Variants in KIZ observed in about 807,000 individuals in gnomAD.
KIZ encodes kizuna centrosomal protein, also known as centrosomal protein kizuna.
A neutral mutation model predicts 79.6 loss-of-function variants in KIZ; 68 were observed. The observed-to-expected ratio is 0.85, with a 90% CI of 0.70 to 1.05. KIZ has a LOEUF of 1.05. KIZ is among the 50% of genes least tolerant of loss of function. The probability of loss-of-function intolerance (pLI) is 0.00; values close to 1 mark genes in which losing one functional copy is unlikely to be tolerated. For synonymous variants in KIZ, 280 were observed against 281.8 expected (o/e 0.99, Z 0.06); for missense variants, 797 against 800.4 (o/e 1.00, Z 0.05).
intron 6 of KIZ, among the ~76,000 whole-genome samples, chr20:21,199,540 G>A (rs1325125371): frequency 6.6e-6 from 1 of 152,150 alleles, no homozygotes; most frequent in Non-Finnish European, 1.5e-5. Context: ...AGTGCCAAGT[G>A]TTTGTGACCT....
In KIZ at chr20:21,229,211, T is replaced by G. The variant is rs2123425884; in HGVS notation, c.1783+96T>G. 5.7e-6 allele frequency: 4 copies of G among 705,936 alleles called. No individual in the cohort carries two copies. In the East Asian group the frequency reaches 1.1e-4, roughly 19 times the overall value. The allele number at this position is 705,936 out of a possible 1,614,324, so 43.7% of individuals were successfully genotyped here. A position where few individuals can be genotyped will look rare whatever the true frequency, so the allele number is the denominator to read the frequency against. ...TTATTCTTTATGAAGGTTTCTGGAGTTTGCTCTGTAACGAGCTGTCACCAG... is the reference window on the plus strand; with the variant it reads ...TTATTCTTTATGAAGGTTTCTGGAGGTTGCTCTGTAACGAGCTGTCACCAG... On this transcript the variant is annotated intron_variant, in intron 10 of 12. Transcript: ENST00000619189.
chr20:21,148,821 C>T (rs187724934), intron 4 of KIZ: 1 of 152,146 alleles, frequency 6.6e-6, no homozygotes, highest in Non-Finnish European at 1.5e-5. Context: ...CATACTCTGT[C>T]AGGGATGGAT....
chr20:21,207,955 C>T (rs565609829), intron 7 of KIZ, among the ~76,000 whole-genome samples: 7 of 152,166 alleles, frequency 4.6e-5, no homozygotes, highest in South Asian at 2.1e-4. Context: ...TCGGGTGATC[C>T]GCGCCCCCAT....
intron 11 of KIZ, 84 bp downstream of exon 11, chr20:21,232,914 A>C: frequency 1.4e-6 from 1 of 713,944 alleles, no homozygotes; most frequent in Non-Finnish European, 2.6e-6. Context: ...GCTGCGTATT[A>C]TTTTGTTGTA....
rs4815025 is a variant in KIZ at position 21,161,882 on chromosome 20, C to T, written c.417C>T (p.His139=). 301 of 1,610,560 alleles carry T rather than the reference C, an allele frequency of 1.9e-4. No homozygotes were observed. The highest frequency in any genetic ancestry group is 2.4e-4 in the Non-Finnish European group (284 of 1,177,598). The change falls in exon 5 of 13, where the codon CAC becomes CAT. Residue 139 remains histidine (H), a synonymous_variant. Transcript: ENST00000619189. Reference sequence around the variant, plus strand: ...TTTTGGTGTTGCAGGTTGCAGTGCACGAGGGGATTAACTCAGGAACAGCCA... The same window carrying T: ...TTTTGGTGTTGCAGGTTGCAGTGCATGAGGGGATTAACTCAGGAACAGCCA... ...TDEDREKVAV[H]EGINSGTAMS... is the part of the protein sequence containing the mutation.
chr20:21,180,199 A>G (rs1369786233), intron 6 of KIZ, among the ~76,000 whole-genome samples: 2 of 148,990 alleles, frequency 1.3e-5, no homozygotes, highest in Non-Finnish European at 3.0e-5. Context: ...CTCATTTTCA[A>G]ACTCAAAAAT....
At chr20:21,180,742 C>T (rs1038429512) in intron 6 of KIZ, among the ~76,000 whole-genome samples, 1 of 152,120 alleles carries the variant, frequency 6.6e-6, no homozygotes, top group African/African-American at 2.4e-5. Context: ...GCATTCAAGC[C>T]TCAGTGACAG....
At chr20:21,126,505 G>T (rs2031482580) in intron 1 of KIZ, among the ~76,000 whole-genome samples, 1 of 152,184 alleles carries the variant, frequency 6.6e-6, no homozygotes, top group Non-Finnish European at 1.5e-5. Flanking sequence ...GAAGGTGGGA[G>T]TTCTTCTGCC....
At chr20:21,163,543 A>G (rs930693764) in intron 6 of KIZ, among the ~76,000 whole-genome samples, 4 of 152,250 alleles carry the variant, frequency 2.6e-5, no homozygotes, top group Non-Finnish European at 4.4e-5. Flanking sequence ...TAAACTTACT[A>G]GGAATGCAGC....
At chr20:21,133,490 G>T (rs114585179) in intron 2 of KIZ, among the ~76,000 whole-genome samples, 2,084 of 152,338 alleles carry the variant, frequency 0.014, 46 homozygotes, top group African/African-American at 0.047. Flanking sequence ...AAGGCTCCTG[G>T]CCTTCTGGTG....
chr20:21,168,500 A>G (rs1396892012), intron 6 of KIZ, among the ~76,000 whole-genome samples: 1 of 152,196 alleles, frequency 6.6e-6, no homozygotes, highest in African/African-American at 2.4e-5. Context: ...GAAAATGGCC[A>G]TACTGCCCAG....
intron 6 of KIZ, among the ~76,000 whole-genome samples, chr20:21,171,161 T>C (rs1459686090): frequency 6.6e-6 from 1 of 152,242 alleles, no homozygotes; most frequent in Admixed American, 6.5e-5. Context: ...ATTGTTTTAA[T>C]TTGCAGTTCT....
intron 11 of KIZ, among the ~76,000 whole-genome samples, chr20:21,239,840 G>C (rs1221829372): frequency 6.6e-6 from 1 of 152,202 alleles, no homozygotes; most frequent in Non-Finnish European, 1.5e-5. Context: ...AGTTTAACAA[G>C]GTTGAGAACA....
At chr20:21,195,298 G>C (rs1472905238) in intron 6 of KIZ, 4 of 152,280 alleles carry the variant, frequency 2.6e-5, no homozygotes, top group African/African-American at 9.6e-5. Context: ...GTAGTGAGGG[G>C]ATGTCGGAGG....
At chr20:21,186,069 A>G (rs1304092779) in intron 6 of KIZ, among the ~76,000 whole-genome samples, 1 of 152,182 alleles carries the variant, frequency 6.6e-6, no homozygotes, top group Non-Finnish European at 1.5e-5. Context: ...TTCTTAAATC[A>G]TGGACGTATG....
intron 7 of KIZ, among the ~76,000 whole-genome samples, chr20:21,211,201 A>G (rs74829678): frequency 0.021 from 3,224 of 152,312 alleles, 102 homozygotes; most frequent in African/African-American, 0.069. Flanking sequence ...TAAACTGAAC[A>G]TGGAGGAAAA....
intron 4 of KIZ, among the ~76,000 whole-genome samples, chr20:21,157,340 A>G (rs1349044864): frequency 3.3e-5 from 5 of 152,150 alleles, no homozygotes. Flanking sequence ...CTAACATGCC[A>G]TGTACTTATT....
intron 6 of KIZ, among the ~76,000 whole-genome samples, chr20:21,191,930 G>T (rs1350429800): frequency 6.6e-6 from 1 of 152,006 alleles, no homozygotes; most frequent in Non-Finnish European, 1.5e-5. Context: ...GCAGCCCGGA[G>T]CTCCCTTATC....
intron 10 of KIZ, among the ~76,000 whole-genome samples, chr20:21,231,935 T>G (rs1411355155): frequency 6.6e-6 from 1 of 152,240 alleles, no homozygotes; most frequent in African/African-American, 2.4e-5. Context: ...GGACACCCTC[T>G]TTGGGCTGAA....
Sources: gnomAD v4.1 joint callset for allele counts (sites outside exome capture counted in the v4.1 genomes callset) on GRCh38, gnomAD v4.1.1 for gene constraint, MANE v1.5 for transcripts, NCBI Gene and HGNC (gene_info 2026-07-23, HGNC 2026-07-21) for gene names.